ACACB: variants seen among roughly 807,000 people sequenced by gnomAD.
ACACB encodes the protein acetyl-CoA carboxylase beta.
Under a neutral mutation model 278.8 loss-of-function variants are expected in ACACB, and 209 were observed. The observed-to-expected ratio is 0.75, with a 90% confidence interval of 0.67 to 0.84. The LOEUF (loss-of-function observed/expected upper bound fraction) is 0.84. Ranked by LOEUF, ACACB falls within the 40% of genes least tolerant of loss-of-function variation. The pLI, the probability that ACACB is intolerant of heterozygous loss-of-function variation, is 0.00. For synonymous variants in ACACB, 1,174 were observed against 1,285.6 expected, an observed-to-expected ratio of 0.91 and a Z score of 1.86; for missense variants, 2,850 against 3,269.0, an observed-to-expected ratio of 0.87 and a Z score of 3.13.
intron 33 of ACACB, 105 bp from the exon 34 acceptor site, chr12:109,237,059 TG>T: frequency 8.8e-7 from 1 of 1,138,880 alleles, no homozygotes; most frequent in Non-Finnish European, 1.3e-6. Flanking sequence ...GCCAAACCCA[TG>T]GACACCAGGG....
chr12:109,180,956 A>G (rs1045029076), intron 11 of ACACB, among the ~76,000 whole-genome samples: 1 of 152,142 alleles, frequency 6.6e-6, no homozygotes, highest in South Asian at 2.1e-4. Flanking sequence ...CCCATTAATC[A>G]TCCTCGCTTT....
At chr12:109,210,538 T>C (rs1188680479) in intron 21 of ACACB, among the ~76,000 whole-genome samples, 4 of 148,750 alleles carry the variant, frequency 2.7e-5, no homozygotes, top group Non-Finnish European at 4.5e-5. Context: ...TGTGTATATA[T>C]ACGTGCATGT....
Position 109,266,270 on chromosome 12 carries a change from T to G in ACACB, c.7285T>G (p.Cys2429Gly), listed in dbSNP as rs757781859. The part of the protein sequence containing the change: ...VEENPEVAVD[C>G]VIYLSQHISP... The stretch of plus-strand genomic sequence containing the variant: ...AGAAAACCCCGAGGTGGCCGTGGAC[T>G]GTGTGATATACCTGAGCCAGCACAT... Residue 2429 changes from cysteine to glycine, a missense_variant, in exon 53 of 53, where the codon TGT becomes GGT. By Grantham distance (159) the Cys-to-Gly change is radical. This residue lies in a region of ACACB where 579 missense variants were observed against 684.6 expected (regional missense o/e 0.85). Coordinates refer to ENST00000338432, the MANE Select transcript of ACACB (RefSeq NM_001093.4). 2.5e-6 allele frequency: 4 copies of G among 1,613,828 alleles called. No individual in the cohort carries two copies. The South Asian group carries it at 4.4e-5, about 18-fold the overall frequency.
At chr12:109,114,572 C>T (rs149790042), upstream of ACACB, among the ~76,000 whole-genome samples, 1,570 of 152,010 alleles carry the variant, frequency 0.01, 36 homozygotes, top group African/African-American at 0.035. Flanking sequence ...GGGCCAGGTA[C>T]AGTGGCTCAT....
At chr12:109,246,950 T>C (rs1043978883) in intron 39 of ACACB, among the ~76,000 whole-genome samples, 1 of 152,148 alleles carries the variant, frequency 6.6e-6, no homozygotes, top group Admixed American at 6.5e-5. Context: ...GGTGCCTGCC[T>C]GTAGTCAGCC....
chr12:109,152,406 T>G (rs2043397767), intron 2 of ACACB, among the ~76,000 whole-genome samples: 1 of 152,134 alleles, frequency 6.6e-6, no homozygotes, highest in Admixed American at 6.6e-5. Context: ...TTGGAGGAGG[T>G]GAAGACAAGG....
chr12:109,169,745 C>T lies in ACACB; in HGVS notation c.925+1711C>T, dbSNP rs187758176. ...CATTTATTTTCTTCCCAGCACTGAC[C>T]GGAGTCTGTAGTTATTGTGTTTATT... On this transcript the variant is annotated intron_variant, in intron 4 of 52. Coordinates refer to ENST00000338432, the MANE Select transcript of ACACB (RefSeq NM_001093.4). Among the ~76,000 whole-genome samples the T allele has an allele frequency of 1.2e-4, 18 of 152,268 alleles. 1 individual carries two copies. The highest frequency in any genetic ancestry group is 3.1e-4 in the African/African-American group (13 of 41,550).
Position 109,254,274 on chromosome 12 carries a change from T to C in ACACB, c.6106T>C (p.Phe2036Leu). The C allele has an allele frequency of 6.2e-7, 1 of 1,613,002 alleles. No individual in the cohort carries two copies. Among genetic ancestry groups the C allele is most frequent in the South Asian group, 1.1e-5 (1 of 91,024 alleles). The change falls in exon 44 of 53, where the codon TTC (phenylalanine) becomes CTC (leucine). Residue 2036 changes from phenylalanine (F) to leucine (L), a missense_variant. Transcript: ENST00000338432. ...PTDPIDREIE[F>L]LPSRAPYDPR... ...TGACCCCATTGACAGAGAAATTGAA[T>C]TCCTCCCATCCAGAGCTCCCTACGA...
In ACACB at chr12:109,191,709, G is replaced by A. The variant is rs756295416; in HGVS notation, c.2241G>A (p.Gln747=). The A allele has an allele frequency of 8.7e-6, 14 of 1,614,200 alleles. No homozygotes were observed. The highest frequency in any genetic ancestry group is 1.3e-5 in the African/African-American group (1 of 75,046). The change falls in exon 14 of 53, where the codon CAG becomes CAA. Residue 747 remains glutamine, a synonymous_variant. Transcript: ENST00000338432. The part of the protein sequence containing the change: ...LINLLETESF[Q]NNDIDTGWLD... ...ACCTCCTGGAGACCGAGAGCTTCCA[G>A]AACAACGACATCGACACCGGGTGGT...
chr12:109,183,480 A>T (rs117388985), intron 11 of ACACB, among the ~76,000 whole-genome samples: 1 of 151,998 alleles, frequency 6.6e-6, no homozygotes, highest in African/African-American at 2.4e-5. Context: ...TATGCTTTTT[A>T]TTATAGAGAC....
chr12:109,143,955 C>A (rs1291968894), intron 2 of ACACB, among the ~76,000 whole-genome samples: 1 of 151,896 alleles, frequency 6.6e-6, no homozygotes, highest in Admixed American at 6.6e-5. Context: ...TCCCTTGAGC[C>A]CAGAAGTTTG....
chr12:109,238,856 C>G (rs1049152206), intron 34 of ACACB, among the ~76,000 whole-genome samples: 2 of 146,330 alleles, frequency 1.4e-5, no homozygotes, highest in East Asian at 4.2e-4. Flanking sequence ...TGAGCCACCA[C>G]GCCTGGCCCT....
intron 44 of ACACB, 49 bp from the exon 45 acceptor site, chr12:109,256,091 C>A (rs777268473): frequency 1.5e-5 from 24 of 1,556,034 alleles, no homozygotes; most frequent in Non-Finnish European, 1.6e-5. Context: ...TCCTGGGGGC[C>A]CCCAGCCACC....
At chr12:109,245,853 C>A in intron 38 of ACACB, 105 bp downstream of exon 38, 1 of 1,409,380 alleles carries the variant, frequency 7.1e-7, no homozygotes, top group Non-Finnish European at 9.6e-7. Flanking sequence ...CTTTGGGAGG[C>A]CAAGGTGGGT....
rs7488423 is a variant in ACACB, at chr12:109,259,583, C to A, written c.6496+475C>A. Among the ~76,000 whole-genome samples, 16 of 142,338 alleles carry A rather than the reference C, an allele frequency of 1.1e-4. No individual in the cohort carries two copies. In the East Asian group the frequency reaches 1.6e-3, roughly 14 times the overall value. 93.4% of individuals were successfully genotyped at this position (142,338 alleles called of 152,430 possible). A position where few individuals can be genotyped will look rare whatever the true frequency, so the allele number is the denominator to read the frequency against. ...CATCTCAAAAAAAAAAACAAAAAAA[C>A]AAAAAAAAAACAATGAGGAACTGAG... On this transcript the variant is annotated intron_variant, in intron 47 of 52. Coordinates refer to ENST00000338432, the MANE Select transcript of ACACB (RefSeq NM_001093.4).
rs763690194 is a variant in ACACB, at chr12:109,247,645, A to G, written c.5611A>G (p.Arg1871Gly). 4 of 1,614,046 alleles carry G rather than the reference A, an allele frequency of 2.5e-6. No homozygotes were observed. In the East Asian group the frequency reaches 6.7e-5, roughly 27 times the overall value. Residue 1871 changes from arginine to glycine, a missense_variant, in exon 40 of 53, where the codon AGA (arginine) becomes GGA (glycine). Arg to Gly is a moderately radical substitution (Grantham distance 125, BLOSUM62 -2). Around this residue, in one of 3 missense-constraint regions of ACACB, gnomAD observed 2,265 missense variants for 2,561.3 expected, o/e 0.88. Coordinates refer to ENST00000338432, the MANE Select transcript of ACACB (RefSeq NM_001093.4). The part of the protein sequence containing the change: ...YLYLTPQDYT[R>G]ISSLNSVHCK... ...GTACCTGACTCCCCAAGACTACACC[A>G]GAATCAGCTCCCTGAACTCCGTCCA... is the stretch of plus-strand genomic sequence containing the variant.
intron 20 of ACACB, among the ~76,000 whole-genome samples, chr12:109,208,185 T>C (rs1466297622): frequency 6.6e-6 from 1 of 151,998 alleles, no homozygotes; most frequent in Non-Finnish European, 1.5e-5. Context: ...CCCCACGTTA[T>C]GCTGCCTGAT....
chr12:109,212,310 C>T (rs1415007136), intron 21 of ACACB, among the ~76,000 whole-genome samples: 3 of 151,884 alleles, frequency 2.0e-5, no homozygotes, highest in East Asian at 1.9e-4. Context: ...TTCCACGGAC[C>T]GGGGAGGGGG....
At chr12:109,256,972 A>G (rs934428439) in intron 45 of ACACB, among the ~76,000 whole-genome samples, 1 of 152,198 alleles carries the variant, frequency 6.6e-6, no homozygotes, top group Non-Finnish European at 1.5e-5. Flanking sequence ...CTTCGGCAAT[A>G]AATACTAAAG....
Sources: allele counts gnomAD v4.1 joint callset (sites outside exome capture counted in the v4.1 genomes callset), GRCh38; gene constraint gnomAD v4.1.1; regional missense constraint gnomAD v4.1.1; transcripts MANE v1.5; gene names NCBI Gene and HGNC (gene_info 2026-07-23, HGNC 2026-07-21).